FMN1: variants seen among roughly 807,000 people sequenced by gnomAD.
FMN1 encodes formin 1.
In FMN1, 110 loss-of-function variants were observed where a neutral mutation model predicts 132.4. The observed-to-expected ratio is 0.83, with a 90% CI of 0.71 to 0.97. The LOEUF is 0.97. Among genes scored for constraint, FMN1 ranks in the 50% least tolerant of loss-of-function variants. The pLI is 0.00. For missense variants in FMN1, 1,792 were observed against 1,705.3 expected (o/e 1.05, Z -0.90); for synonymous variants, 722 against 651.7 (o/e 1.11, Z -1.64).
At chr15:33,098,686 G>A (rs1012884125) in intron 4 of FMN1, among the ~76,000 whole-genome samples, 6 of 152,180 alleles carry the variant, frequency 3.9e-5, no homozygotes, top group African/African-American at 7.2e-5. Context: ...ATAAAGAGCA[G>A]GTAAAAGAGT....
intron 17 of FMN1, among the ~76,000 whole-genome samples, chr15:32,829,044 T>C (rs750659213): frequency 5.9e-5 from 9 of 152,194 alleles, no homozygotes; most frequent in Non-Finnish European, 8.8e-5. Flanking sequence ...TGTCAGTATT[T>C]GTTTACTTGG....
At chr15:33,056,647 C>A (rs2037229765) in intron 6 of FMN1, among the ~76,000 whole-genome samples, 3 of 152,148 alleles carry the variant, frequency 2.0e-5, no homozygotes, top group Admixed American at 2.0e-4. Flanking sequence ...AAAGAGGCAG[C>A]CTTAGGCTTA....
intron 17 of FMN1, among the ~76,000 whole-genome samples, chr15:32,834,125 C>T (rs1335561528): frequency 2.0e-5 from 3 of 152,216 alleles, no homozygotes; most frequent in African/African-American, 7.2e-5. Flanking sequence ...TTTTGTCATA[C>T]TCTGATGAAA....
At position 32,765,793 on chromosome 15, in the gene FMN1, G is replaced by GAA. The variant is rs1169079665; in HGVS notation, c.*8515_*8516dup. On this transcript the variant is annotated 3_prime_UTR_variant, in exon 21 of 21. Transcript: ENST00000616417. ...ATTGTGACCAAGTACTGTCAAGGAG[G>GAA]AAAAAATATATATATATAATACACA... 6.6e-6 allele frequency: 1 copy of GAA among 151,656 alleles called. No homozygotes were observed. The highest frequency in any genetic ancestry group is 2.4e-5 in the African/African-American group (1 of 41,220). The allele number at this position is 151,656 out of a possible 1,614,324, so 9.4% of individuals were successfully genotyped here.
At chr15:33,026,733 G>T (rs1373744304) in intron 6 of FMN1, among the ~76,000 whole-genome samples, 1 of 152,120 alleles carries the variant, frequency 6.6e-6, no homozygotes, top group Non-Finnish European at 1.5e-5. Context: ...GTGAAGGTCA[G>T]TCTCTTAAGA....
chr15:32,922,040 A>AGAGG (rs2060839512), intron 10 of FMN1, among the ~76,000 whole-genome samples: 1 of 152,166 alleles, frequency 6.6e-6, no homozygotes, highest in Non-Finnish European at 1.5e-5. Flanking sequence ...TCTCAGACTT[A>AGAGG]ATCTTAACTT....
intron 17 of FMN1, among the ~76,000 whole-genome samples, chr15:32,815,067 C>T (rs369307194): frequency 5.3e-4 from 80 of 152,160 alleles, no homozygotes; most frequent in Middle Eastern, 6.8e-3. Flanking sequence ...CTCAGCCTCC[C>T]GAGTAGCTGG....
In FMN1 at chr15:32,798,972, A is replaced by G. The variant is rs556953041; in HGVS notation, c.3981-19T>C. 8 of 1,610,342 alleles carry G rather than the reference A, an allele frequency of 5.0e-6. No homozygotes were observed. The highest frequency in any genetic ancestry group is 4.0e-5 in the African/African-American group (3 of 74,826). On this transcript the variant is annotated intron_variant, in intron 18 of 20. Transcript: ENST00000616417. ...TTCAAAACTGCAACAGGTAGGGGGG[A>G]AAATGGAATGAGGTAGAGGTGAGAA...
chr15:32,804,187 T>C, intron 18 of FMN1, 94 bp downstream of exon 18: 3 of 894,822 alleles, frequency 3.4e-6, no homozygotes, highest in Non-Finnish European at 5.2e-6. Flanking sequence ...GTTTTGGAGA[T>C]AGAACTGCAT....
At chr15:33,179,178 A>G (rs1479346743) in intron 3 of FMN1, among the ~76,000 whole-genome samples, 2 of 152,228 alleles carry the variant, frequency 1.3e-5, no homozygotes, top group African/African-American at 4.8e-5. Flanking sequence ...TATGAAAAGT[A>G]TAAAAATTCA....
At chr15:32,889,074 C>CT (rs1273618023) in intron 15 of FMN1, among the ~76,000 whole-genome samples, 2 of 152,098 alleles carry the variant, frequency 1.3e-5, no homozygotes, top group Admixed American at 6.6e-5. Flanking sequence ...AGGCTGGTCT[C>CT]TAACTCCTGG....
chr15:32,833,228 T>C (rs2058545030), intron 17 of FMN1, among the ~76,000 whole-genome samples: 2 of 152,176 alleles, frequency 1.3e-5, no homozygotes, highest in Non-Finnish European at 2.9e-5. Flanking sequence ...ATTCTTTTCT[T>C]AGAGGATAAG....
chr15:33,160,914 G>A (rs1048032634), intron 3 of FMN1, among the ~76,000 whole-genome samples: 4 of 152,128 alleles, frequency 2.6e-5, no homozygotes, highest in Non-Finnish European at 5.9e-5. Context: ...TACCCCAAAT[G>A]GAAATATCTG....
At chr15:32,884,036 G>C (rs140869518) in intron 16 of FMN1, among the ~76,000 whole-genome samples, 1 of 152,048 alleles carries the variant, frequency 6.6e-6, no homozygotes. Flanking sequence ...TGCTGCACGC[G>C]CATGTGTGTG....
chr15:32,836,278 G>A (rs1204441465), intron 17 of FMN1, among the ~76,000 whole-genome samples: 2 of 152,258 alleles, frequency 1.3e-5, no homozygotes, highest in East Asian at 3.9e-4. Flanking sequence ...AACTCTAAAA[G>A]GTGATGCCTT....
intron 9 of FMN1, among the ~76,000 whole-genome samples, chr15:32,943,163 A>G (rs532429906): frequency 9.0e-4 from 137 of 152,272 alleles, no homozygotes; most frequent in African/African-American, 3.0e-3. Context: ...GGTCTCAACC[A>G]TTTCAGATAA....
chr15:33,155,797 G>A (rs1213023738), intron 3 of FMN1, among the ~76,000 whole-genome samples: 1 of 152,080 alleles, frequency 6.6e-6, no homozygotes, highest in African/African-American at 2.4e-5. Flanking sequence ...TTTCAATGAT[G>A]TCACCACAGA....
chr15:33,153,773 T>C lies in FMN1; in HGVS notation c.1142A>G (p.His381Arg), dbSNP rs773344715. The change falls in exon 4 of 21, where the codon CAT (histidine) becomes CGT (arginine). Residue 381 changes from histidine (H) to arginine (R), a missense_variant. Transcript: ENST00000616417. ...LTLPGAEAGAHGSRRQGKERQ... is the reference protein window; with the variant it reads ...LTLPGAEAGARGSRRQGKERQ... ...CTCCTTGCCCTGCCGCCTGGAGCCA[T>C]GAGCCCCAGCCTCAGCTCCCGGGAG... The C allele has an allele frequency of 6.5e-7, 1 of 1,536,322 alleles. No individual in the cohort carries two copies.
chr15:33,026,672 C>G (rs1441138619), intron 6 of FMN1, among the ~76,000 whole-genome samples: 1 of 152,136 alleles, frequency 6.6e-6, no homozygotes, highest in African/African-American at 2.4e-5. Flanking sequence ...GACTCAGTAA[C>G]TGACAGAGCC....
Sources: allele counts gnomAD v4.1 joint callset (sites outside exome capture counted in the v4.1 genomes callset), GRCh38; gene constraint gnomAD v4.1.1; transcripts MANE v1.5; gene names NCBI Gene and HGNC (gene_info 2026-07-23, HGNC 2026-07-21).